Variants in BBS9 observed in about 807,000 individuals in gnomAD.
BBS9 encodes the protein protein PTHB1.
Under a neutral mutation model 117.7 loss-of-function variants are expected in BBS9, and 89 were observed. The observed-to-expected ratio is 0.76, with a 90% CI of 0.64 to 0.90. BBS9 has a LOEUF of 0.90. BBS9 is among the 40% of genes least tolerant of loss of function. BBS9 has a pLI of 0.00. For missense variants in BBS9, 982 were observed against 1,042.2 expected (o/e 0.94, Z 0.80); for synonymous variants, 379 against 370.9 (o/e 1.02, Z -0.25).
At chr7:33,374,185 G>C (rs924295808) in intron 17 of BBS9, among the ~76,000 whole-genome samples, 9 of 152,094 alleles carry the variant, frequency 5.9e-5, no homozygotes, top group Non-Finnish European at 1.3e-4. Flanking sequence ...GTTTGTAGAG[G>C]GTCTTGAGGA....
chr7:33,527,618 C>G (rs540219100), intron 20 of BBS9, among the ~76,000 whole-genome samples: 2 of 152,202 alleles, frequency 1.3e-5, no homozygotes, highest in African/African-American at 4.8e-5. Flanking sequence ...GCGCACGGTG[C>G]GCACACCCAC....
intron 20 of BBS9, among the ~76,000 whole-genome samples, chr7:33,520,988 A>G (rs1036970324): frequency 3.3e-5 from 5 of 151,730 alleles, no homozygotes; most frequent in Admixed American, 6.6e-5. Flanking sequence ...TTGATTTACC[A>G]GTCTTTATTT....
At chr7:33,423,393 G>C (rs1156909730) in intron 19 of BBS9, among the ~76,000 whole-genome samples, 2 of 150,756 alleles carry the variant, frequency 1.3e-5, no homozygotes, top group Non-Finnish European at 3.0e-5. Context: ...GTATACCTTG[G>C]GGGTGTGTGT....
chr7:33,541,818 C>T (rs886974371), intron 21 of BBS9, among the ~76,000 whole-genome samples: 5 of 152,106 alleles, frequency 3.3e-5, no homozygotes, highest in African/African-American at 1.2e-4. Flanking sequence ...GAAGTGATAG[C>T]TAATGAGTAC....
At chr7:33,438,560 G>A (rs768134973) in intron 19 of BBS9, among the ~76,000 whole-genome samples, 3 of 152,158 alleles carry the variant, frequency 2.0e-5, no homozygotes, top group Non-Finnish European at 2.9e-5. Context: ...AACCTTGGTA[G>A]TAATCAGAGA....
chr7:33,601,064 G>A (rs1306513763), intron 21 of BBS9, among the ~76,000 whole-genome samples: 1 of 152,184 alleles, frequency 6.6e-6, no homozygotes, highest in African/African-American at 2.4e-5. Context: ...TAGAAGAAAA[G>A]CACACATTAC....
rs1182855810 is a variant in BBS9, at chr7:33,388,103, C to G, written c.2074C>G (p.Leu692Val). 2 of 1,614,146 alleles carry G rather than the reference C, an allele frequency of 1.2e-6. No individual in the cohort carries two copies. Among genetic ancestry groups the G allele is most frequent in the Non-Finnish European group, 1.7e-6 (2 of 1,180,004 alleles). Residue 692 changes from leucine to valine, a missense_variant, in exon 19 of 23, where the codon CTT becomes GTT. Coordinates refer to ENST00000242067, the MANE Select transcript of BBS9 (RefSeq NM_198428.3). Reference sequence around the variant, plus strand: ...ATTCAAAGATAAAACTCCTGCCCCTCTTCAACACCTGGACACCTTGTTAGA... The same window carrying G: ...ATTCAAAGATAAAACTCCTGCCCCTGTTCAACACCTGGACACCTTGTTAGA... Reference protein sequence around the residue: ...ARFKDKTPAPLQHLDTLLDGT... With the variant: ...ARFKDKTPAPVQHLDTLLDGT...
intron 9 of BBS9, among the ~76,000 whole-genome samples, chr7:33,288,144 A>T (rs906153655): frequency 6.6e-6 from 1 of 152,184 alleles, no homozygotes; most frequent in African/African-American, 2.4e-5. Flanking sequence ...TGGAGCTACC[A>T]GAAATTCGTG....
chr7:33,252,779 G>A (rs2128304138), intron 5 of BBS9, among the ~76,000 whole-genome samples: 1 of 151,964 alleles, frequency 6.6e-6, no homozygotes, highest in Non-Finnish European at 1.5e-5. Context: ...GCAGGTCAAG[G>A]TCATTGCATA....
At chr7:33,303,140 TG>T (rs1177925339) in intron 9 of BBS9, among the ~76,000 whole-genome samples, 1 of 152,226 alleles carries the variant, frequency 6.6e-6, no homozygotes, top group Non-Finnish European at 1.5e-5. Context: ...TTACTGGATT[TG>T]GTAATCAGTT....
intron 19 of BBS9, among the ~76,000 whole-genome samples, chr7:33,440,729 A>G (rs1006886041): frequency 2.0e-5 from 3 of 152,262 alleles, no homozygotes; most frequent in African/African-American, 7.2e-5. Flanking sequence ...ATTTTTGAAT[A>G]TGGAAAAATT....
At chr7:33,398,434 A>G (rs1828364273) in intron 19 of BBS9, among the ~76,000 whole-genome samples, 1 of 152,214 alleles carries the variant, frequency 6.6e-6, no homozygotes, top group Non-Finnish European at 1.5e-5. Context: ...GTAAAGGTGG[A>G]TGTTCTCTTA....
rs1367693019 is a variant in BBS9, at chr7:33,331,676, A to C, written c.1017-4765A>C. Among the ~76,000 whole-genome samples the C allele has an allele frequency of 2.0e-5, 3 of 148,898 alleles. No homozygotes were observed. In the East Asian group the frequency reaches 5.9e-4, roughly 29 times the overall value. On this transcript the variant is annotated intron_variant, in intron 9 of 22. Coordinates refer to ENST00000242067, the MANE Select transcript of BBS9 (RefSeq NM_198428.3). ...TTACAACTGCCAAAAAAAAAAAAAA[A>C]CCACACACACACACAACTCCCCCCA...
chr7:33,538,582 C>A (rs1851815901), intron 21 of BBS9, among the ~76,000 whole-genome samples: 2 of 152,088 alleles, frequency 1.3e-5, no homozygotes, highest in East Asian at 3.9e-4. Flanking sequence ...TCTTCCAGGT[C>A]TCACTTAGAT....
intron 21 of BBS9, among the ~76,000 whole-genome samples, chr7:33,616,460 A>G (rs1865136777): frequency 6.8e-6 from 1 of 146,980 alleles, no homozygotes; most frequent in South Asian, 2.1e-4. Flanking sequence ...CATATATGTT[A>G]TATAACTTTA....
intron 19 of BBS9, among the ~76,000 whole-genome samples, chr7:33,496,368 G>C (rs138506216): frequency 0.011 from 1,629 of 152,168 alleles, 30 homozygotes; most frequent in African/African-American, 0.038. Flanking sequence ...AGCTAGGCGT[G>C]GTGGTGGGCA....
intron 21 of BBS9, among the ~76,000 whole-genome samples, chr7:33,620,301 G>T (rs1428767098): frequency 6.6e-6 from 1 of 151,874 alleles, no homozygotes; most frequent in African/African-American, 2.4e-5. Flanking sequence ...AATCTGAATA[G>T]ATTAATAATC....
intron 21 of BBS9, among the ~76,000 whole-genome samples, chr7:33,541,693 G>C (rs1159747799): frequency 6.6e-6 from 1 of 152,178 alleles, no homozygotes; most frequent in Non-Finnish European, 1.5e-5. Flanking sequence ...AAAGAAGCCA[G>C]TCAGAAAGAC....
At chr7:33,554,864 A>G (rs1162581197) in intron 21 of BBS9, among the ~76,000 whole-genome samples, 1 of 152,148 alleles carries the variant, frequency 6.6e-6, no homozygotes, top group Non-Finnish European at 1.5e-5. Context: ...TGGAAGGGCA[A>G]GAGCCAACAT....
Sources: gnomAD v4.1 joint callset for allele counts (sites outside exome capture counted in the v4.1 genomes callset) on GRCh38, gnomAD v4.1.1 for gene constraint, MANE v1.5 for transcripts, NCBI Gene and HGNC (gene_info 2026-07-23, HGNC 2026-07-21) for gene names.